Variants in EML4 observed in about 807,000 individuals in gnomAD.
The protein encoded by EML4 is echinoderm microtubule-associated protein-like 4.
In EML4, 72 loss-of-function variants were observed where a neutral mutation model predicts 129.0. That is an observed-to-expected ratio of 0.56 (90% CI 0.46 to 0.68). The LOEUF is 0.68. Ranked by LOEUF, EML4 falls within the 30% of genes least tolerant of loss-of-function variation. EML4 has a pLI of 0.00. For synonymous variants in EML4, 532 were observed against 405.0 expected, an observed-to-expected ratio of 1.31 and a Z score of -3.77; for missense variants, 1,363 against 1,190.6, an observed-to-expected ratio of 1.14 and a Z score of -2.13.
rs1252092564 is a variant in EML4 at position 42,261,513 on chromosome 2, A to C, written c.512+219A>C. The C allele has an allele frequency of 5.2e-5, 19 of 364,560 alleles. No individual in the cohort carries two copies. The Admixed American group carries it at 5.6e-4, about 11-fold the overall frequency. The allele number at this position is 364,560 out of a possible 1,614,324, so 22.6% of individuals were successfully genotyped here. A position where few individuals can be genotyped will look rare whatever the true frequency, so the allele number is the denominator to read the frequency against. ...TTAAAACTGGAAAAAAAAAAAAAAA[A>C]AACTAAGTTATAAACAATCTGATGA... On this transcript the variant is annotated intron_variant, in intron 4 of 22. Coordinates refer to ENST00000318522, the MANE Select transcript of EML4 (RefSeq NM_019063.5).
Position 42,331,527 on chromosome 2 carries a change from T to A in EML4, c.*1320T>A, listed in dbSNP as rs1670100340. On this transcript the variant is annotated 3_prime_UTR_variant, in exon 23 of 23. Coordinates refer to ENST00000318522, the MANE Select transcript of EML4 (RefSeq NM_019063.5). ...ACTTTGATTATAAAAAAGTATTTTGTTTTGATTTTTTAACTTGCTGCATTG... is the reference window on the plus strand; with the variant it reads ...ACTTTGATTATAAAAAAGTATTTTGATTTGATTTTTTAACTTGCTGCATTG... 1 of 223,730 alleles carries A rather than the reference T, an allele frequency of 4.5e-6. No homozygotes were observed. Among genetic ancestry groups the A allele is most frequent in the Non-Finnish European group, 8.9e-6 (1 of 111,952 alleles). 13.9% of individuals were successfully genotyped at this position (223,730 alleles called of 1,614,324 possible).
At chr2:42,249,864 C>G (rs957693234) in intron 2 of EML4, among the ~76,000 whole-genome samples, 1 of 152,112 alleles carries the variant, frequency 6.6e-6, no homozygotes. Flanking sequence ...TCAGAGAATT[C>G]TTTCCTTTTG....
chr2:42,183,653 T>C (rs1243827967), intron 1 of EML4, among the ~76,000 whole-genome samples: 1 of 152,174 alleles, frequency 6.6e-6, no homozygotes, highest in East Asian at 1.9e-4. Context: ...TTTTAAATCG[T>C]TTATATTTAA....
intron 11 of EML4, among the ~76,000 whole-genome samples, chr2:42,292,253 C>T (rs962375701): frequency 2.0e-5 from 3 of 152,126 alleles, no homozygotes; most frequent in African/African-American, 4.8e-5. Flanking sequence ...AACCTAAAGT[C>T]GAACATATGC....
At chr2:42,243,252 AAGG>A (rs1325121558) in intron 1 of EML4, among the ~76,000 whole-genome samples, 1 of 152,230 alleles carries the variant, frequency 6.6e-6, no homozygotes, top group Non-Finnish European at 1.5e-5. Flanking sequence ...CTGTGAGAAG[AAGG>A]AGAATAGGAA....
At chr2:42,291,196 T>G (rs1667621200) in intron 11 of EML4, among the ~76,000 whole-genome samples, 1 of 152,128 alleles carries the variant, frequency 6.6e-6, no homozygotes, top group South Asian at 2.1e-4. Context: ...AAAAAAAAAT[T>G]ACCTTGACCC....
intron 1 of EML4, among the ~76,000 whole-genome samples, chr2:42,230,593 ATGG>A (rs1299685030): frequency 6.6e-6 from 1 of 151,852 alleles, no homozygotes; most frequent in African/African-American, 2.4e-5. Context: ...TTTAGTAGAG[ATGG>A]GGTTTTGTCA....
intron 1 of EML4, among the ~76,000 whole-genome samples, chr2:42,216,129 AG>A (rs1312892981): frequency 6.6e-6 from 1 of 151,032 alleles, no homozygotes; most frequent in Non-Finnish European, 1.5e-5. Context: ...CATGTTGGTC[AG>A]GCTGGTCTCA....
chr2:42,292,076 T>C (rs531345757), intron 11 of EML4, among the ~76,000 whole-genome samples: 37 of 152,356 alleles, frequency 2.4e-4, no homozygotes, highest in African/African-American at 8.4e-4. Flanking sequence ...TCTCTTCAGT[T>C]CTTAGGCGTT....
At chr2:42,223,108 A>G (rs1363545036) in intron 1 of EML4, among the ~76,000 whole-genome samples, 1 of 152,064 alleles carries the variant, frequency 6.6e-6, no homozygotes, top group East Asian at 1.9e-4. Context: ...CCTGGCCAAT[A>G]TAATGTATTT....
intron 10 of EML4, among the ~76,000 whole-genome samples, chr2:42,286,766 A>T (rs777241660): frequency 1.5e-4 from 23 of 152,202 alleles, no homozygotes; most frequent in Non-Finnish European, 2.6e-4. Context: ...TTCACAGCAA[A>T]CTTGGCCAGT....
rs143750035 is a variant in EML4 at position 42,243,551 on chromosome 2, T to C, written c.26-1954T>C. Among the ~76,000 whole-genome samples, 1,050 of 152,248 alleles carry C rather than the reference T, an allele frequency of 6.9e-3. 15 individuals carry two copies. The highest frequency in any genetic ancestry group is 0.024 in the African/African-American group (1,006 of 41,536). ...ACAATCCTATTTAAAGGTGAAGAAA[T>C]TAATGCTCAAAGAACTTGCCTAAGA... On this transcript the variant is annotated intron_variant, in intron 1 of 22. Transcript: ENST00000318522.
At chr2:42,318,864 C>T (rs1669378755) in intron 19 of EML4, among the ~76,000 whole-genome samples, 1 of 151,998 alleles carries the variant, frequency 6.6e-6, no homozygotes, top group African/African-American at 2.4e-5. Flanking sequence ...GCCACCTTGC[C>T]CGGCTCACTT....
intron 1 of EML4, among the ~76,000 whole-genome samples, chr2:42,178,992 C>T (rs2103826264): frequency 6.6e-6 from 1 of 152,320 alleles, no homozygotes; most frequent in East Asian, 1.9e-4. Context: ...AGGTTGTCTG[C>T]ATGGTCTTAA....
chr2:42,269,931 A>G (rs1011138476), intron 6 of EML4, among the ~76,000 whole-genome samples: 1 of 152,208 alleles, frequency 6.6e-6, no homozygotes, highest in Non-Finnish European at 1.5e-5. Flanking sequence ...CATGAGACCT[A>G]GTTAGGGGTA....
chr2:42,192,288 G>A (rs1339998083), intron 1 of EML4, among the ~76,000 whole-genome samples: 1 of 149,846 alleles, frequency 6.7e-6, no homozygotes, highest in Non-Finnish European at 1.5e-5. Context: ...CCGTGCTGGA[G>A]TACAGTGGCA....
At chr2:42,219,821 G>C (rs1673449551) in intron 1 of EML4, among the ~76,000 whole-genome samples, 2 of 151,742 alleles carry the variant, frequency 1.3e-5, no homozygotes, top group African/African-American at 4.8e-5. Context: ...AGCTACTTGG[G>C]AGGCTGAGGC....
At chr2:42,203,547 A>T (rs961146561) in intron 1 of EML4, among the ~76,000 whole-genome samples, 10 of 152,016 alleles carry the variant, frequency 6.6e-5, no homozygotes, top group African/African-American at 2.4e-4. Flanking sequence ...ATCATTACCT[A>T]TGGAAGCAGT....
chr2:42,178,281 A>T (rs981497750), intron 1 of EML4, among the ~76,000 whole-genome samples: 1 of 151,956 alleles, frequency 6.6e-6, no homozygotes, highest in East Asian at 1.9e-4. Flanking sequence ...TATAGCTCAC[A>T]CCTATAATCC....
Sources: gnomAD v4.1 joint callset for allele counts (sites outside exome capture counted in the v4.1 genomes callset) on GRCh38, gnomAD v4.1.1 for gene constraint, MANE v1.5 for transcripts, NCBI Gene and HGNC (gene_info 2026-07-23, HGNC 2026-07-21) for gene names.